FYCO1: variants seen among roughly 807,000 people sequenced by gnomAD.
The protein encoded by FYCO1 is FYVE and coiled-coil domain-containing protein 1.
FYCO1 carries 122 observed loss-of-function variants against 165.1 expected under a neutral mutation model. The observed-to-expected ratio is 0.74, with a 90% CI of 0.64 to 0.86. The LOEUF (loss-of-function observed/expected upper bound fraction) is 0.86. Among genes scored for constraint, FYCO1 ranks in the 40% least tolerant of loss-of-function variants. The pLI, the probability that FYCO1 is intolerant of heterozygous loss-of-function variation, is 0.00. For synonymous variants in FYCO1, 648 were observed against 742.5 expected (o/e 0.87, Z 2.07); for missense variants, 1,702 against 1,810.3 (o/e 0.94, Z 1.09).
chr3:45,953,531 C>T (rs1424632309), intron 14 of FYCO1, among the ~76,000 whole-genome samples: 6 of 152,156 alleles, frequency 3.9e-5, no homozygotes. Flanking sequence ...AAAAACTGAC[C>T]TTGTGAAACT....
At chr3:45,939,264 C>T (rs56220355) in intron 14 of FYCO1, among the ~76,000 whole-genome samples, 4 of 152,250 alleles carry the variant, frequency 2.6e-5, no homozygotes, top group Non-Finnish European at 2.9e-5. Context: ...CAGTGAATAT[C>T]TACATTATTT....
In FYCO1 at chr3:45,964,517, G is replaced by T; in HGVS notation, c.3151-63C>A. ...AGAAGGCCATGCAACGTACCATAAAGTGGCTGGTGTGCCATCCACCCCATC... is the reference window on the plus strand; with the variant it reads ...AGAAGGCCATGCAACGTACCATAAATTGGCTGGTGTGCCATCCACCCCATC... On this transcript the variant is annotated intron_variant, in intron 9 of 17. Transcript: ENST00000296137. This position sits in a 1 kb window ranked among gnomAD's most constrained non-coding sequence, Gnocchi z 4.1. 6.2e-7 allele frequency: 1 copy of T among 1,605,692 alleles called. No homozygotes were observed. The highest frequency in any genetic ancestry group is 8.5e-7 in the Non-Finnish European group (1 of 1,176,554).
chr3:45,951,415 G>A (rs1258204744), intron 14 of FYCO1, among the ~76,000 whole-genome samples: 1 of 152,180 alleles, frequency 6.6e-6, no homozygotes, highest in African/African-American at 2.4e-5. Context: ...TGGAGCTCAA[G>A]CTCTTCACCA....
intron 14 of FYCO1, chr3:45,946,042 G>A (rs1704577147): frequency 6.2e-6 from 1 of 162,434 alleles, no homozygotes; most frequent in African/African-American, 2.4e-5. Flanking sequence ...GTGAGGCAGG[G>A]GGAGATGAAA....
intron 6 of FYCO1, 69 bp downstream of exon 6, chr3:45,973,019 T>G: frequency 6.4e-7 from 1 of 1,552,562 alleles, no homozygotes; most frequent in Non-Finnish European, 8.9e-7. Flanking sequence ...TTGAGTAGAC[T>G]GGTGGCAATC....
intron 14 of FYCO1, among the ~76,000 whole-genome samples, chr3:45,954,426 A>G (rs1280364030): frequency 6.6e-6 from 1 of 152,108 alleles, no homozygotes; most frequent in African/African-American, 2.4e-5. Flanking sequence ...GCTTCATTCC[A>G]TTAGCACTAA....
At chr3:45,979,017 T>C (rs9849771) in intron 4 of FYCO1, among the ~76,000 whole-genome samples, 124,955 of 151,090 alleles carry the variant, frequency 0.83, 52,038 homozygotes, top group East Asian at 1. Context: ...CCACCACGCC[T>C]GGCTAATTTT....
Position 45,958,422 on chromosome 3 carries a change from G to A in FYCO1, c.3785C>T (p.Ala1262Val), listed in dbSNP as rs756916557. The A allele has an allele frequency of 6.2e-7, 1 of 1,612,300 alleles. No individual in the cohort carries two copies. Among genetic ancestry groups the A allele is most frequent in the African/African-American group, 1.3e-5 (1 of 74,884 alleles). ...AGGAGACTGACCTTGGCCTCCTGTG[G>A]CCTGGGGCCCAGGTGAGGCTGGTGA... is the stretch of plus-strand genomic sequence containing the variant. Reference protein sequence around the residue: ...ALSPASPGPQATGGQGANTDY... With the variant: ...ALSPASPGPQVTGGQGANTDY... Residue 1262 changes from alanine (A) to valine (V), a missense_variant, in exon 13 of 18, where the codon GCC (alanine) becomes GTC (valine). Transcript: ENST00000296137.
intron 1 of FYCO1, among the ~76,000 whole-genome samples, chr3:45,989,197 C>G (rs1226313318): frequency 1.3e-5 from 2 of 152,228 alleles, no homozygotes; most frequent in Admixed American, 6.5e-5. Context: ...ATTCCTCCCC[C>G]AGTCCCAAAT....
chr3:45,958,536 C>T lies in FYCO1; in HGVS notation c.3671G>A (p.Arg1224Gln), dbSNP rs575141874. ...TTCACTGAGCTTCTGGAAACAGGCT[C>T]GGCAGCAGCGCTCCTTTTTGCCACC... ...KHGGKKERCC[R>Q]ACFQKLSEGP... The change falls in exon 13 of 18, where the codon CGA (arginine) becomes CAA (glutamine). Residue 1224 changes from arginine (R) to glutamine (Q), a missense_variant. Arg to Gln is a conservative substitution (Grantham distance 43). Coordinates refer to ENST00000296137, the MANE Select transcript of FYCO1 (RefSeq NM_024513.4). The T allele has an allele frequency of 1.7e-5, 28 of 1,614,176 alleles. No homozygotes were observed. In the African/African-American group the frequency reaches 1.9e-4, roughly 11 times the overall value.
chr3:45,946,834 T>C, intron 14 of FYCO1: 1 of 1,614,230 alleles, frequency 6.2e-7, no homozygotes, highest in South Asian at 1.1e-5. Flanking sequence ...ACGTCCATGC[T>C]CATCCTCACC....
At chr3:45,923,599 T>C in intron 17 of FYCO1, 57 bp downstream of exon 17, 2 of 1,058,050 alleles carry the variant, frequency 1.9e-6, no homozygotes, top group Non-Finnish European at 3.0e-6. Flanking sequence ...CTCTGCTCTT[T>C]AGAAGAGGTG....
chr3:45,964,244 A>C lies in FYCO1; in HGVS notation c.3269+92T>G, dbSNP rs1410893619. The stretch of plus-strand genomic sequence containing the variant: ...CTTTTCTTGCAAAAGGACTTCCTAA[A>C]CCTAATATGAGTGACTGACTTTCTA... On this transcript the variant is annotated intron_variant, in intron 10 of 17. Transcript: ENST00000296137. The surrounding 1 kb of genome is among the most constrained non-coding windows in gnomAD (Gnocchi z 4.1). 1.6e-5 allele frequency: 16 copies of C among 1,030,702 alleles called. No individual in the cohort carries two copies. In the East Asian group the frequency reaches 3.8e-4, roughly 25 times the overall value. 63.8% of individuals were successfully genotyped at this position (1,030,702 alleles called of 1,614,324 possible).
chr3:45,926,307 AC>A (rs1265117520), intron 16 of FYCO1, among the ~76,000 whole-genome samples: 1 of 149,830 alleles, frequency 6.7e-6, no homozygotes, highest in Non-Finnish European at 1.5e-5. Flanking sequence ...TTAAAAGTAA[AC>A]AGATGTAAAC....
Position 45,967,286 on chromosome 3 carries a change from G to GCCAGCAAGCTCGCCT in FYCO1, c.2033_2047dup (p.Glu678_Leu682dup). The GCCAGCAAGCTCGCCT allele has an allele frequency of 1.2e-6, 2 of 1,613,920 alleles. No individual in the cohort carries two copies. Among genetic ancestry groups the GCCAGCAAGCTCGCCT allele is most frequent in the Non-Finnish European group, 1.7e-6 (2 of 1,179,930 alleles). On this transcript the variant is annotated inframe_insertion, in exon 8 of 18. Transcript: ENST00000296137. The stretch of plus-strand genomic sequence containing the variant: ...CATGGCCTCCTTGGCCTTCCTTACA[G>GCCAGCAAGCTCGCCT]CCAGCAAGCTCGCCTCCATCTGGTC...
intron 15 of FYCO1, among the ~76,000 whole-genome samples, chr3:45,931,586 C>T: frequency 6.6e-6 from 1 of 152,230 alleles, no homozygotes; most frequent in Non-Finnish European, 1.5e-5. Context: ...TGAGGATGGC[C>T]TGACCTGCTC....
At chr3:45,965,927 A>T (rs57036895) in intron 8 of FYCO1, among the ~76,000 whole-genome samples, 10,433 of 152,302 alleles carry the variant, frequency 0.069, 1,236 homozygotes, top group African/African-American at 0.24. Context: ...GGGCAAGGTG[A>T]GGACGCAGGC....
intron 2 of FYCO1, 51 bp from the exon 3 acceptor site, chr3:45,981,727 CAG>C (rs1559467071): frequency 1.6e-6 from 2 of 1,251,998 alleles, no homozygotes; most frequent in Non-Finnish European, 2.3e-6. Context: ...TAAACTCAGA[CAG>C]AGAAGCAGAA....
In FYCO1 at chr3:45,966,905, T is replaced by C. The variant is rs1706064114; in HGVS notation, c.2429A>G (p.Gln810Arg). The change falls in exon 8 of 18, where the codon CAG (glutamine) becomes CGG (arginine). Residue 810 changes from glutamine (Q) to arginine (R), a missense_variant. Gln to Arg is a conservative substitution (Grantham distance 43). Coordinates refer to ENST00000296137, the MANE Select transcript of FYCO1 (RefSeq NM_024513.4). The part of the protein sequence containing the change: ...RAALDDQDKV[Q>R]SQLSMAEAVL... Reference sequence around the variant, plus strand: ...GGCCTCAGCCATGCTTAGCTGGCTCTGCACCTTGTCCTGGTCATCCAGGGC... The same window carrying C: ...GGCCTCAGCCATGCTTAGCTGGCTCCGCACCTTGTCCTGGTCATCCAGGGC... The C allele has an allele frequency of 6.2e-7, 1 of 1,613,746 alleles. No individual in the cohort carries two copies. The highest frequency in any genetic ancestry group is 2.2e-5 in the East Asian group (1 of 44,890).
Sources: gnomAD v4.1 joint callset for allele counts (sites outside exome capture counted in the v4.1 genomes callset) on GRCh38, gnomAD v4.1.1 for gene constraint, Gnocchi (gnomAD v3.1) non-coding constraint, MANE v1.5 for transcripts, NCBI Gene and HGNC (gene_info 2026-07-23, HGNC 2026-07-21) for gene names.